The following VTI1A variants were observed in gnomAD, a reference collection of about 807,000 sequenced individuals.
VTI1A encodes the protein vesicle transport through interaction with t-SNAREs 1A, also known as vesicle transport through interaction with t-SNAREs homolog 1A.
Under a neutral mutation model 34.9 loss-of-function variants are expected in VTI1A, and 22 were observed. The ratio of observed to expected loss-of-function variants is 0.63; its 90% CI spans 0.45 to 0.90. The LOEUF (loss-of-function observed/expected upper bound fraction) is 0.90. Among genes scored for constraint, VTI1A ranks in the 40% least tolerant of loss-of-function variants. VTI1A has a pLI of 0.00. For synonymous variants in VTI1A, 87 were observed against 97.3 expected (o/e 0.89, Z 0.62); for missense variants, 268 against 275.6 (o/e 0.97, Z 0.20).
the VTI1A span, among the ~76,000 whole-genome samples, chr10:112,837,449 A>C: frequency 6.6e-6 from 1 of 152,170 alleles, no homozygotes; most frequent in Non-Finnish European, 1.5e-5. Context: ...AGCCTGCTTG[A>C]TTTCCAGGCG....
intron 5 of VTI1A, among the ~76,000 whole-genome samples, chr10:112,577,427 T>C (rs1308439569): frequency 1.3e-5 from 2 of 152,200 alleles, no homozygotes; most frequent in African/African-American, 4.8e-5. Flanking sequence ...GATTGAAGTA[T>C]ATACCACCAA....
In VTI1A at chr10:112,811,599, G is replaced by A. The variant is rs532698347; in HGVS notation, c.561-3691G>A. ...CTCGGGAGGCTGAGGCGGGAGAATG[G>A]CGTGAGCCCGGGAGGCGGAGCTTGC... On this transcript the variant is annotated intron_variant, in intron 7 of 7. Transcript: ENST00000393077. 1.4e-3 allele frequency among the ~76,000 whole-genome samples: 213 copies of A among 151,360 alleles called. 1 individual carries two copies. Among genetic ancestry groups the A allele is most frequent in the African/African-American group, 5.0e-3 (206 of 41,148 alleles).
rs189597078 is a variant in VTI1A, at chr10:112,483,820, C to T, written c.264+19163C>T. ...GAATATTAACAATAACAATTAAAGG[C>T]ATCTAATAGGCTGGATATCATGTTG... On this transcript the variant is annotated intron_variant, in intron 3 of 7. Coordinates refer to ENST00000393077, the MANE Select transcript of VTI1A (RefSeq NM_145206.4). Among the ~76,000 whole-genome samples the T allele has an allele frequency of 5.8e-3, 877 of 152,154 alleles. 10 individuals are homozygous for T. The highest frequency in any genetic ancestry group is 0.02 in the African/African-American group (841 of 41,498).
chr10:112,842,234 G>A, the VTI1A span, among the ~76,000 whole-genome samples: 1 of 151,814 alleles, frequency 6.6e-6, no homozygotes, highest in Non-Finnish European at 1.5e-5. Flanking sequence ...CCACAGTAGG[G>A]TTAGGATTAG....
chr10:112,677,302 A>T (rs2133852684), intron 7 of VTI1A, among the ~76,000 whole-genome samples: 1 of 152,218 alleles, frequency 6.6e-6, no homozygotes, highest in African/African-American at 2.4e-5. Context: ...GAATTACCTC[A>T]TTCTCCCTCA....
intron 4 of VTI1A, among the ~76,000 whole-genome samples, chr10:112,532,337 T>C (rs1850477150): frequency 6.6e-6 from 1 of 152,228 alleles, no homozygotes; most frequent in Admixed American, 6.5e-5. Context: ...TCAAGTGTTA[T>C]AACAGATGTT....
rs561757072 is a variant in VTI1A at position 112,484,830 on chromosome 10, C to G, written c.264+20173C>G. On this transcript the variant is annotated intron_variant, in intron 3 of 7. Coordinates refer to ENST00000393077, the MANE Select transcript of VTI1A (RefSeq NM_145206.4). ...GATAGGCACACAAAACATAAGTATT[C>G]CAATGAAAAAGTTGCATCTAGTATG... 2.7e-5 allele frequency: 4 copies of G among 150,112 alleles called. No homozygotes were observed. The South Asian group carries it at 8.6e-4, about 32-fold the overall frequency. 9.3% of individuals were successfully genotyped at this position (150,112 alleles called of 1,614,324 possible). A position where few individuals can be genotyped will look rare whatever the true frequency, so the allele number is the denominator to read the frequency against.
chr10:112,495,553 C>T (rs1848988878), intron 3 of VTI1A, among the ~76,000 whole-genome samples: 1 of 152,052 alleles, frequency 6.6e-6, no homozygotes, highest in Non-Finnish European at 1.5e-5. Context: ...ATCAGTAATT[C>T]ACTTTACGTG....
At chr10:112,803,066 A>ATTTAATTT (rs1229060019) in intron 7 of VTI1A, among the ~76,000 whole-genome samples, 3 of 151,776 alleles carry the variant, frequency 2.0e-5, no homozygotes, top group African/African-American at 7.3e-5. Context: ...TCTTCATTTT[A>ATTTAATTT]TTTTATTTTT....
chr10:112,825,202 C>A, the VTI1A span: 1 of 152,574 alleles, frequency 6.6e-6, no homozygotes, highest in Non-Finnish European at 1.5e-5. Context: ...CGTCCAGGAT[C>A]TGCTTCTCAG....
intron 5 of VTI1A, among the ~76,000 whole-genome samples, chr10:112,553,587 C>T (rs1449752797): frequency 6.6e-6 from 1 of 152,198 alleles, no homozygotes; most frequent in African/African-American, 2.4e-5. Flanking sequence ...GGGCAGACAG[C>T]CCTTTCAGGT....
chr10:112,851,996 G>A, the VTI1A span, among the ~76,000 whole-genome samples: 1 of 151,886 alleles, frequency 6.6e-6, no homozygotes, highest in African/African-American at 2.4e-5. Context: ...TGAGACAAAA[G>A]AAAAAAATAA....
At chr10:112,653,976 A>C (rs1847132681) in intron 5 of VTI1A, among the ~76,000 whole-genome samples, 1 of 152,230 alleles carries the variant, frequency 6.6e-6, no homozygotes, top group Non-Finnish European at 1.5e-5. Context: ...TAATAAGTTC[A>C]ATATACAGCC....
intron 5 of VTI1A, among the ~76,000 whole-genome samples, chr10:112,580,021 G>A (rs1278133200): frequency 6.6e-6 from 1 of 152,102 alleles, no homozygotes; most frequent in Non-Finnish European, 1.5e-5. Context: ...AAAAAAGGTG[G>A]TTTTGATGAG....
At position 112,621,259 on chromosome 10, in the gene VTI1A, T is replaced by A. The variant is rs577359035; in HGVS notation, c.428-46959T>A. ...CTGTGTGCAAGGCTGCGTACTGCAC[T>A]CCTGTCTTGTAGAGATTACACATTA... is the stretch of plus-strand genomic sequence containing the variant. On this transcript the variant is annotated intron_variant, in intron 5 of 7. Coordinates refer to ENST00000393077, the MANE Select transcript of VTI1A (RefSeq NM_145206.4). Among the ~76,000 whole-genome samples the A allele has an allele frequency of 2.6e-4, 40 of 152,332 alleles. 1 individual carries two copies. Among genetic ancestry groups the A allele is most frequent in the Non-Finnish European group, 2.4e-4 (16 of 68,030 alleles).
intron 3 of VTI1A, among the ~76,000 whole-genome samples, chr10:112,494,690 A>G (rs1382562724): frequency 4.0e-5 from 6 of 151,892 alleles, no homozygotes; most frequent in Non-Finnish European, 1.5e-5. Flanking sequence ...TGTATTTTTA[A>G]TAGAGACAGT....
At chr10:112,680,907 C>A (rs1848189225) in intron 7 of VTI1A, among the ~76,000 whole-genome samples, 1 of 152,108 alleles carries the variant, frequency 6.6e-6, no homozygotes, top group Non-Finnish European at 1.5e-5. Context: ...TCCTTGCAGG[C>A]AAACAGTGGT....
At chr10:112,647,265 G>A (rs747041549) in intron 5 of VTI1A, among the ~76,000 whole-genome samples, 2 of 152,158 alleles carry the variant, frequency 1.3e-5, no homozygotes, top group Non-Finnish European at 2.9e-5. Context: ...GACCATGACG[G>A]TTTTCACTTT....
At chr10:112,651,466 A>C (rs180933259) in intron 5 of VTI1A, among the ~76,000 whole-genome samples, 373 of 152,182 alleles carry the variant, frequency 2.5e-3, no homozygotes, top group African/African-American at 6.9e-3. Flanking sequence ...ATGCACCACC[A>C]CACCCAGCTA....
Sources: allele counts gnomAD v4.1 joint callset (sites outside exome capture counted in the v4.1 genomes callset), GRCh38; gene constraint gnomAD v4.1.1; transcripts MANE v1.5; gene names NCBI Gene and HGNC (gene_info 2026-07-23, HGNC 2026-07-21).